Variants in PTPRE observed in about 807,000 individuals in gnomAD.
The protein encoded by PTPRE is receptor-type tyrosine-protein phosphatase epsilon.
Under a neutral mutation model 102.0 loss-of-function variants are expected in PTPRE, and 51 were observed. That is an observed-to-expected ratio of 0.50 (90% CI 0.40 to 0.63). The LOEUF (loss-of-function observed/expected upper bound fraction) is 0.63. PTPRE is among the 30% of genes least tolerant of loss of function. The pLI is 0.00. For synonymous variants in PTPRE, 345 were observed against 348.2 expected (o/e 0.99, Z 0.10); for missense variants, 752 against 915.1 (o/e 0.82, Z 2.30).
intron 1 of PTPRE, among the ~76,000 whole-genome samples, chr10:127,952,394 A>T (rs1206743014): frequency 6.6e-6 from 1 of 150,804 alleles, no homozygotes; most frequent in Non-Finnish European, 1.5e-5. Context: ...CTAAGATGAA[A>T]GTTTATTAGC....
At chr10:128,063,430 A>C (rs541857133) in intron 10 of PTPRE, among the ~76,000 whole-genome samples, 1 of 152,332 alleles carries the variant, frequency 6.6e-6, no homozygotes, top group African/African-American at 2.4e-5. Flanking sequence ...TTCCCAAGTA[A>C]GAGTGGCCCC....
Position 128,084,857 on chromosome 10 carries a change from C to A in PTPRE, c.*1951C>A, listed in dbSNP as rs3186827. On this transcript the variant is annotated 3_prime_UTR_variant, in exon 21 of 21. Coordinates refer to ENST00000254667, the MANE Select transcript of PTPRE (RefSeq NM_006504.6). The stretch of plus-strand genomic sequence containing the variant: ...GTTCGAAGTCAAAGTCGAGGGGCAC[C>A]GGCTTTGGTTCATGTCTAGGAGCCC... The A allele has an allele frequency of 0.54, 91,836 of 171,616 alleles. 24,919 individuals are homozygous for A. The highest frequency in any genetic ancestry group is 0.61 in the Admixed American group (10,131 of 16,480). The allele number at this position is 171,616 out of a possible 1,614,324, so 10.6% of individuals were successfully genotyped here. A position where few individuals can be genotyped will look rare whatever the true frequency, so the allele number is the denominator to read the frequency against.
Position 128,028,584 on chromosome 10 carries a change from G to T in PTPRE, c.-7-12291G>T, listed in dbSNP as rs1707913002. Among the ~76,000 whole-genome samples the T allele has an allele frequency of 6.6e-6, 1 of 152,120 alleles. No homozygotes were observed. Among genetic ancestry groups the T allele is most frequent in the Non-Finnish European group, 1.5e-5 (1 of 68,016 alleles). ...GCCACTGCCTCGCTGCAGGAGGCTGGCCCTCAGCGCCCAGCAGAAGCGGCA... is the reference window on the plus strand; with the variant it reads ...GCCACTGCCTCGCTGCAGGAGGCTGTCCCTCAGCGCCCAGCAGAAGCGGCA... On this transcript the variant is annotated intron_variant, in intron 2 of 20. Transcript: ENST00000254667. The surrounding 1 kb of genome is among the most constrained non-coding windows in gnomAD (Gnocchi z 4.5).
chr10:128,030,568 G>A (rs1259162111), intron 2 of PTPRE, among the ~76,000 whole-genome samples: 6 of 152,134 alleles, frequency 3.9e-5, no homozygotes, highest in Non-Finnish European at 4.4e-5. Context: ...TCTTCATGGC[G>A]ATTCCTTTAA....
At chr10:128,024,658 G>A (rs940276163) in intron 2 of PTPRE, among the ~76,000 whole-genome samples, 9 of 152,286 alleles carry the variant, frequency 5.9e-5, no homozygotes, top group East Asian at 1.9e-4. Context: ...GTGCTGTTGC[G>A]TCCTCGGGCA....
At position 128,056,210 on chromosome 10, in the gene PTPRE, C is replaced by T. The variant is rs1848948438; in HGVS notation, c.508C>T (p.Pro170Ser). 4 of 1,599,612 alleles carry T rather than the reference C, an allele frequency of 2.5e-6. No homozygotes were observed. In the South Asian group the frequency reaches 3.3e-5, roughly 13 times the overall value. Residue 170 changes from proline (P) to serine (S), a missense_variant, in exon 7 of 21, where the codon CCC (proline) becomes TCC (serine). Physicochemically the swap from Pro to Ser is moderately conservative, Grantham distance 74. Around this residue, in one of 2 missense-constraint regions of PTPRE, gnomAD observed 636 missense variants for 824.4 expected, o/e 0.77. Transcript: ENST00000254667. Reference protein sequence around the residue: ...REKNRYPNILPNDHSRVILSQ... With the variant: ...REKNRYPNILSNDHSRVILSQ... ...AAAAAACAGATATCCCAACATCCTT[C>T]CCAGTAAGATTTTATTTTATGTTTT...
chr10:127,917,245 A>G (rs1846275441), intron 1 of PTPRE, among the ~76,000 whole-genome samples: 1 of 150,846 alleles, frequency 6.6e-6, no homozygotes, highest in Non-Finnish European at 1.5e-5. Flanking sequence ...CAGAGGGGGA[A>G]GCCGCTCCAA....
chr10:128,069,486 T>C, intron 12 of PTPRE: 1 of 613,504 alleles, frequency 1.6e-6, no homozygotes. Context: ...CTTAGTAGAG[T>C]GTCGGTGGCT....
chr10:128,056,040 A>G, intron 6 of PTPRE, 83 bp from the exon 7 acceptor site: 1 of 1,126,352 alleles, frequency 8.9e-7, no homozygotes, highest in Non-Finnish European at 1.3e-6. Context: ...GTTTTCATTA[A>G]TTCCTGTGCT....
At position 127,967,106 on chromosome 10, in the gene PTPRE, G is replaced by A. The variant is rs115957868; in HGVS notation, c.-30-15168G>A. Among the ~76,000 whole-genome samples, 1,063 of 152,224 alleles carry A rather than the reference G, an allele frequency of 7.0e-3. 14 individuals carry two copies. The highest frequency in any genetic ancestry group is 0.023 in the African/African-American group (967 of 41,530). On this transcript the variant is annotated intron_variant, in intron 1 of 20. Transcript: ENST00000254667. ...CTCTCCATGCTCATGGTCATTTGTC[G>A]CCCAGTGTGAAGACTGCTAAGGGCA...
At chr10:127,984,477 C>A (rs1851915594) in intron 2 of PTPRE, among the ~76,000 whole-genome samples, 1 of 152,158 alleles carries the variant, frequency 6.6e-6, no homozygotes, top group Non-Finnish European at 1.5e-5. Flanking sequence ...TTTCTCTTGA[C>A]ACGAGGAAAG....
chr10:128,038,406 C>T (rs1847403984), intron 2 of PTPRE, among the ~76,000 whole-genome samples: 2 of 152,120 alleles, frequency 1.3e-5, no homozygotes, highest in Admixed American at 1.3e-4. Flanking sequence ...TGGAACCAAC[C>T]CAAATGTCCA....
chr10:128,005,497 C>T (rs534517011), intron 2 of PTPRE, among the ~76,000 whole-genome samples: 4 of 152,226 alleles, frequency 2.6e-5, no homozygotes, highest in African/African-American at 7.2e-5. Flanking sequence ...TGGTGATACT[C>T]GGCCTCCTAT....
At chr10:127,970,002 T>G (rs1485978855) in intron 1 of PTPRE, among the ~76,000 whole-genome samples, 1 of 152,160 alleles carries the variant, frequency 6.6e-6, no homozygotes, top group East Asian at 1.9e-4. Context: ...ATTCCAGAAT[T>G]TGGATTCTTT....
chr10:128,010,461 G>A (rs1844886748), intron 2 of PTPRE, among the ~76,000 whole-genome samples: 1 of 152,174 alleles, frequency 6.6e-6, no homozygotes, highest in Non-Finnish European at 1.5e-5. Context: ...GCGGTTCCCA[G>A]CCCAGTGCTC....
intron 2 of PTPRE, chr10:127,999,776 TGA>T: frequency 1.0e-6 from 1 of 985,478 alleles, no homozygotes; most frequent in Non-Finnish European, 1.2e-6. Flanking sequence ...TGACATAGTG[TGA>T]GTGCCGGCAG....
intron 1 of PTPRE, among the ~76,000 whole-genome samples, chr10:127,961,011 A>T (rs1282737692): frequency 9.9e-6 from 1 of 100,656 alleles, no homozygotes; most frequent in Admixed American, 1.1e-4. Flanking sequence ...AAAGACCCAG[A>T]CTCTGTCAAA....
intron 2 of PTPRE, among the ~76,000 whole-genome samples, chr10:128,010,545 C>CCTTTTCTTTTATTTTCTTTT (rs1554919715): frequency 5.5e-5 from 7 of 128,330 alleles, no homozygotes; most frequent in African/African-American, 2.1e-4. Context: ...AAACCCTGTT[C>CCTTTTCTTTTATTTTCTTTT]CTTTTCTTTT....
intron 1 of PTPRE, among the ~76,000 whole-genome samples, chr10:127,968,234 T>C (rs1374620791): frequency 6.6e-6 from 1 of 152,200 alleles, no homozygotes; most frequent in Non-Finnish European, 1.5e-5. Flanking sequence ...GTTATCTGAA[T>C]GCTGAAGTCA....
Sources: allele counts gnomAD v4.1 joint callset (sites outside exome capture counted in the v4.1 genomes callset), GRCh38; gene constraint gnomAD v4.1.1; regional missense constraint gnomAD v4.1.1; non-coding constraint Gnocchi (gnomAD v3.1); transcripts MANE v1.5; gene names NCBI Gene and HGNC (gene_info 2026-07-23, HGNC 2026-07-21).